The following GLCCI1 variants were observed in gnomAD, a reference collection of about 807,000 sequenced individuals.
GLCCI1 encodes glucocorticoid-induced transcript 1 protein.
In GLCCI1, 24 loss-of-function variants were observed where a neutral mutation model predicts 52.2. That is an observed-to-expected ratio of 0.46 (90% CI 0.33 to 0.65). The LOEUF (loss-of-function observed/expected upper bound fraction) is 0.65, where lower values mean the gene tolerates loss of function less well. Ranked by LOEUF, GLCCI1 falls within the 30% of genes least tolerant of loss-of-function variation. The probability of loss-of-function intolerance (pLI) is 0.02; values close to 1 mark genes in which losing one functional copy is unlikely to be tolerated. For synonymous variants in GLCCI1, 310 were observed against 276.5 expected, an observed-to-expected ratio of 1.12 and a Z score of -1.20; for missense variants, 704 against 701.5, an observed-to-expected ratio of 1.00 and a Z score of -0.04.
chr7:8,054,124 T>G (rs1782331239), intron 3 of GLCCI1, among the ~76,000 whole-genome samples: 1 of 152,206 alleles, frequency 6.6e-6, no homozygotes, highest in Non-Finnish European at 1.5e-5. Context: ...ATAAGCTCTT[T>G]GCAGTTTTGC....
At chr7:8,010,841 A>G (rs1781249138) in intron 2 of GLCCI1, among the ~76,000 whole-genome samples, 1 of 152,206 alleles carries the variant, frequency 6.6e-6, no homozygotes. Context: ...ATGGAATCAT[A>G]CTTTATATCA....
At chr7:7,979,578 C>T (rs1363660740) in intron 1 of GLCCI1, among the ~76,000 whole-genome samples, 3 of 152,172 alleles carry the variant, frequency 2.0e-5, no homozygotes, top group Admixed American at 6.5e-5. Flanking sequence ...ACGTATCTTG[C>T]TGCCTTTACC....
chr7:8,078,229 A>T (rs919670569), intron 6 of GLCCI1, among the ~76,000 whole-genome samples: 1 of 151,292 alleles, frequency 6.6e-6, no homozygotes, highest in Non-Finnish European at 1.5e-5. Context: ...AAAAAAAAAA[A>T]AGGCCACTAT....
At chr7:7,983,317 A>C (rs1434718992) in intron 1 of GLCCI1, among the ~76,000 whole-genome samples, 1 of 152,172 alleles carries the variant, frequency 6.6e-6, no homozygotes, top group Non-Finnish European at 1.5e-5. Flanking sequence ...GTTCATTTTA[A>C]AATATTATTC....
chr7:8,060,770 C>A (rs892221890), intron 5 of GLCCI1, among the ~76,000 whole-genome samples: 8 of 152,216 alleles, frequency 5.3e-5, no homozygotes, highest in Admixed American at 5.2e-4. Flanking sequence ...GTGAATAATG[C>A]TTCTATAAAC....
chr7:8,070,760 T>C (rs1206797903), intron 5 of GLCCI1, 161 bp from the exon 6 acceptor site: 1 of 612,750 alleles, frequency 1.6e-6, no homozygotes, highest in South Asian at 2.0e-5. Context: ...AAAGGTAACA[T>C]ACGCAGAAAT....
intron 1 of GLCCI1, among the ~76,000 whole-genome samples, chr7:7,971,010 C>A (rs1780343041): frequency 6.6e-6 from 1 of 151,958 alleles, no homozygotes; most frequent in Non-Finnish European, 1.5e-5. Flanking sequence ...TGATACATTG[C>A]AGTCTTGGTG....
rs140221203 is a variant in GLCCI1 at position 8,043,899 on chromosome 7, A to C, written c.697-11534A>C. Among the ~76,000 whole-genome samples, 120 of 152,288 alleles carry C rather than the reference A, an allele frequency of 7.9e-4. 1 individual carries two copies. The highest frequency in any genetic ancestry group is 2.7e-3 in the African/African-American group (113 of 41,556). On this transcript the variant is annotated intron_variant, in intron 3 of 7. Coordinates refer to ENST00000223145, the MANE Select transcript of GLCCI1 (RefSeq NM_138426.4). Reference sequence around the variant, plus strand: ...AGTTGTAATAGATGTCAAGAATTATAATGTGAGAAAGTCATGAAAAATCAA... The same window carrying C: ...AGTTGTAATAGATGTCAAGAATTATCATGTGAGAAAGTCATGAAAAATCAA...
intron 2 of GLCCI1, among the ~76,000 whole-genome samples, chr7:8,007,651 A>T (rs1024676612): frequency 6.6e-6 from 1 of 152,126 alleles, no homozygotes; most frequent in African/African-American, 2.4e-5. Flanking sequence ...TATGTAGTGG[A>T]ATTATGTAGT....
chr7:8,073,094 G>C (rs1277735538), intron 6 of GLCCI1, among the ~76,000 whole-genome samples: 1 of 152,086 alleles, frequency 6.6e-6, no homozygotes, highest in East Asian at 1.9e-4. Context: ...TCTCCTGCCA[G>C]GGTCTTTTGC....
At chr7:8,078,108 C>A (rs531076094) in intron 6 of GLCCI1, among the ~76,000 whole-genome samples, 17 of 150,662 alleles carry the variant, frequency 1.1e-4, no homozygotes. Flanking sequence ...GTGGCGGGCA[C>A]CTGTAGTCCC....
At chr7:8,064,448 T>G in intron 5 of GLCCI1, among the ~76,000 whole-genome samples, 1 of 152,212 alleles carries the variant, frequency 6.6e-6, no homozygotes, top group Non-Finnish European at 1.5e-5. Flanking sequence ...CTCTCTTCTG[T>G]TCCATTGGTC....
At position 8,079,667 on chromosome 7, in the gene GLCCI1, A is replaced by G. The variant is rs919634430; in HGVS notation, c.1178-5230A>G. 3.3e-5 allele frequency among the ~76,000 whole-genome samples: 5 copies of G among 151,658 alleles called. No individual in the cohort carries two copies. In the East Asian group the frequency reaches 9.6e-4, roughly 29 times the overall value. On this transcript the variant is annotated intron_variant, in intron 6 of 7. Transcript: ENST00000223145. ...ACTTATTTTGACTACACAAAAACAA[A>G]AGAGTAACTTTTTGGCTTAATTTGT...
In GLCCI1 at chr7:7,969,793, C is replaced by T; in HGVS notation, c.443C>T (p.Ser148Leu). The change falls in exon 1 of 8, where the codon TCG becomes TTG. Residue 148 changes from serine to leucine, a missense_variant. By Grantham distance (145) the Ser-to-Leu change is moderately radical. Transcript: ENST00000223145. The surrounding 1 kb of genome is among the most constrained non-coding windows in gnomAD (Gnocchi z 4.9). ...SSSPERRSPG[S>L]PVCRADKAKS... ...TCACCTGAGAGACGGAGCCCCGGCT[C>T]GCCCGTGTGCAGAGGTAGCGAGCCC... The T allele has an allele frequency of 4.0e-6, 6 of 1,482,674 alleles. No homozygotes were observed. The highest frequency in any genetic ancestry group is 5.4e-6 in the Non-Finnish European group (6 of 1,120,570). 91.8% of individuals were successfully genotyped at this position (1,482,674 alleles called of 1,614,324 possible).
chr7:8,039,538 CA>C (rs1435078341), intron 3 of GLCCI1, among the ~76,000 whole-genome samples: 1 of 152,100 alleles, frequency 6.6e-6, no homozygotes, highest in Non-Finnish European at 1.5e-5. Context: ...AACTCAGAAG[CA>C]GTCAAATATT....
intron 1 of GLCCI1, among the ~76,000 whole-genome samples, chr7:7,986,383 G>T (rs960189489): frequency 5.9e-5 from 1 of 17,070 alleles, no homozygotes; most frequent in Non-Finnish European, 1.3e-4. Flanking sequence ...GCAGGGGGAG[G>T]GGGGGGTGGC....
At chr7:8,008,543 A>T (rs1204855121) in intron 2 of GLCCI1, among the ~76,000 whole-genome samples, 3 of 152,000 alleles carry the variant, frequency 2.0e-5, no homozygotes, top group African/African-American at 7.2e-5. Context: ...GATCCACTAG[A>T]CTTGACCTCC....
At chr7:7,972,876 C>T (rs542851247) in intron 1 of GLCCI1, among the ~76,000 whole-genome samples, 1 of 152,178 alleles carries the variant, frequency 6.6e-6, no homozygotes, top group Non-Finnish European at 1.5e-5. Flanking sequence ...TTGCCAAATA[C>T]CTTGCTGTAT....
chr7:7,969,668 G>A lies in GLCCI1; in HGVS notation c.318G>A (p.Pro106=). The change falls in exon 1 of 8, where the codon CCG becomes CCA. Residue 106 remains proline, a synonymous_variant. Transcript: ENST00000223145. The surrounding 1 kb of genome is among the most constrained non-coding windows in gnomAD (Gnocchi z 4.9). ...CCGGCGCGGCCCGCGGCCCCAGCCC[G>A]TCCAGCCCGACGCCGCCGGCGGCCG... ...PGPGAARGPS[P]SSPTPPAAAA... 1 of 1,078,264 alleles carries A rather than the reference G, an allele frequency of 9.3e-7. No homozygotes were observed. Among genetic ancestry groups the A allele is most frequent in the South Asian group, 2.4e-5 (1 of 40,826 alleles). The allele number at this position is 1,078,264 out of a possible 1,614,324, so 66.8% of individuals were successfully genotyped here.
Sources: allele counts gnomAD v4.1 joint callset (sites outside exome capture counted in the v4.1 genomes callset), GRCh38; gene constraint gnomAD v4.1.1; non-coding constraint Gnocchi (gnomAD v3.1); transcripts MANE v1.5; gene names NCBI Gene and HGNC (gene_info 2026-07-23, HGNC 2026-07-21).